The following MYBPC2 variants were observed in gnomAD, a reference collection of about 807,000 sequenced individuals.
The protein encoded by MYBPC2 is myosin-binding protein C, fast-type.
A neutral mutation model predicts 137.0 loss-of-function variants in MYBPC2; 122 were observed. The observed-to-expected ratio is 0.89, with a 90% confidence interval of 0.77 to 1.03. MYBPC2 has a LOEUF of 1.03. MYBPC2 is among the 50% of genes least tolerant of loss of function. MYBPC2 has a pLI of 0.00. For synonymous variants in MYBPC2, 626 were observed against 612.3 expected (o/e 1.02, Z -0.33); for missense variants, 1,500 against 1,534.4 (o/e 0.98, Z 0.37).
At position 50,435,876 on chromosome 19, in the gene MYBPC2, G is replaced by C. The variant is rs557779977; in HGVS notation, c.196+14G>C. 3.8e-6 allele frequency: 6 copies of C among 1,572,388 alleles called. No homozygotes were observed. The highest frequency in any genetic ancestry group is 4.3e-6 in the Non-Finnish European group (5 of 1,157,472). On this transcript the variant is annotated intron_variant, in intron 3 of 27. Coordinates refer to ENST00000357701, the MANE Select transcript of MYBPC2 (RefSeq NM_004533.4). The surrounding 1 kb of genome is among the most constrained non-coding windows in gnomAD (Gnocchi z 4.8). The stretch of plus-strand genomic sequence containing the variant: ...CAGTGGAGACTGGTGAGGGGAACCC[G>C]GGGGAGGAGGGGCTGCGGCCCGGAC...
chr19:50,456,867 A>T (rs2039919262), intron 20 of MYBPC2, among the ~76,000 whole-genome samples: 1 of 152,018 alleles, frequency 6.6e-6, no homozygotes, highest in Non-Finnish European at 1.5e-5. Context: ...TCCATCCATC[A>T]TCTGTACCTC....
chr19:50,448,175 G>A (rs1281548478), intron 12 of MYBPC2, 50 bp from the exon 13 acceptor site: 3 of 1,565,162 alleles, frequency 1.9e-6, no homozygotes, highest in East Asian at 2.3e-5. Flanking sequence ...ACAAGTGTCT[G>A]TGCACTGACT....
At position 50,442,260 on chromosome 19, in the gene MYBPC2, AGACCT is replaced by A. The variant is rs779627828; in HGVS notation, c.854_858del (p.Leu285ProfsTer19). 25 of 1,606,746 alleles carry A rather than the reference AGACCT, an allele frequency of 1.6e-5. No individual in the cohort carries two copies. In the Admixed American group the frequency reaches 3.1e-4, roughly 20 times the overall value. On this transcript the variant is annotated frameshift_variant, in exon 9 of 28. Coordinates refer to ENST00000357701, the MANE Select transcript of MYBPC2 (RefSeq NM_004533.4). LOFTEE classifies it high-confidence loss of function. ...AGTTGATGGTAGAGATCAGCGACCC[AGACCT>A]GACCCTCAAGTGGTTCAAGAACGGC...
At chr19:50,441,486 C>T (rs188815385) in intron 8 of MYBPC2, among the ~76,000 whole-genome samples, 407 of 152,326 alleles carry the variant, frequency 2.7e-3, no homozygotes, top group Non-Finnish European at 3.2e-3. Context: ...TGCTCTCTGT[C>T]TCTGGGGTAG....
In MYBPC2 at chr19:50,448,261, T is replaced by C. The variant is rs933681654; in HGVS notation, c.1343T>C (p.Leu448Pro). The change falls in exon 13 of 28, where the codon CTG becomes CCG. Residue 448 changes from leucine to proline, a missense_variant. Transcript: ENST00000357701. ...GAGGTCCTGCAGGACATCGCGGATC[T>C]GACGGTGAAGGCCTCAGAACAAGCT... ...QLEVLQDIAD[L>P]TVKASEQAVF... The C allele has an allele frequency of 6.2e-7, 1 of 1,613,820 alleles. No individual in the cohort carries two copies. Among genetic ancestry groups the C allele is most frequent in the Non-Finnish European group, 8.5e-7 (1 of 1,179,774 alleles).
chr19:50,464,612 C>A, intron 27 of MYBPC2, 80 bp downstream of exon 27: 1 of 1,436,304 alleles, frequency 7.0e-7, no homozygotes, highest in Non-Finnish European at 9.2e-7. Flanking sequence ...CCGGGCTGAG[C>A]ACCGCTGAGA....
intron 1 of MYBPC2, among the ~76,000 whole-genome samples, chr19:50,434,864 G>A (rs2039687276): frequency 6.6e-6 from 1 of 152,202 alleles, no homozygotes; most frequent in Non-Finnish European, 1.5e-5. Flanking sequence ...GGACCCAAAA[G>A]GTCAGGGCGT....
At chr19:50,462,111 C>A in intron 26 of MYBPC2, 75 bp downstream of exon 26, 1 of 1,474,008 alleles carries the variant, frequency 6.8e-7, no homozygotes, top group South Asian at 1.3e-5. Context: ...GCCCACTCCC[C>A]ATCACGCCAG....
intron 20 of MYBPC2, among the ~76,000 whole-genome samples, chr19:50,455,926 CTTCT>C (rs1185615237): frequency 3.3e-5 from 5 of 152,176 alleles, no homozygotes; most frequent in South Asian, 4.1e-4. Context: ...ACCTTTATGC[CTTCT>C]TTCTTTCTTC....
In MYBPC2 at chr19:50,435,987, C is replaced by G. The variant is rs1397255813; in HGVS notation, c.197-25C>G. 1.3e-6 allele frequency: 2 copies of G among 1,565,336 alleles called. No individual in the cohort carries two copies. Among genetic ancestry groups the G allele is most frequent in the East Asian group, 4.8e-5 (2 of 42,022 alleles). ...GTTCCTTCCTGGGCCTCCTCCCACT[C>G]TACCCTGTCACTCACCCCATGTAGG... On this transcript the variant is annotated intron_variant, in intron 3 of 27. Coordinates refer to ENST00000357701, the MANE Select transcript of MYBPC2 (RefSeq NM_004533.4). This position sits in a 1 kb window ranked among gnomAD's most constrained non-coding sequence, Gnocchi z 4.8.
intron 13 of MYBPC2, among the ~76,000 whole-genome samples, chr19:50,449,612 G>T (rs561374893): frequency 1.3e-5 from 2 of 152,324 alleles, no homozygotes; most frequent in African/African-American, 4.8e-5. Context: ...ATGGACACCG[G>T]CAGGGAAAAG....
chr19:50,462,058 T>C (rs759071014), intron 26 of MYBPC2, 22 bp downstream of exon 26: 5 of 1,563,994 alleles, frequency 3.2e-6, no homozygotes, highest in Non-Finnish European at 4.3e-6. Flanking sequence ...GGGACCCAGA[T>C]CTGCGTGTGT....
rs769457646 is a variant in MYBPC2 at position 50,443,643 on chromosome 19, C to A, written c.1027+25C>A. Reference sequence around the variant, plus strand: ...GGTGAGGCTGGAATTCAGAACTGAGCCTGGAGAGGGACTGGAACTCTGGAG... The same window carrying A: ...GGTGAGGCTGGAATTCAGAACTGAGACTGGAGAGGGACTGGAACTCTGGAG... On this transcript the variant is annotated intron_variant, in intron 10 of 27. Transcript: ENST00000357701. 11 of 1,612,352 alleles carry A rather than the reference C, an allele frequency of 6.8e-6. No individual in the cohort carries two copies. The South Asian group carries it at 1.1e-4, about 16-fold the overall frequency.
chr19:50,451,337 G>C (rs781055619), intron 15 of MYBPC2, 28 bp downstream of exon 15: 2 of 1,612,372 alleles, frequency 1.2e-6, no homozygotes, highest in Non-Finnish European at 1.7e-6. Flanking sequence ...CGCTGGGAGC[G>C]GGTCTGAGGG....
At position 50,454,177 on chromosome 19, in the gene MYBPC2, T is replaced by C. The variant is rs374274083; in HGVS notation, c.1907T>C (p.Val636Ala). ...GTGGCTTCCATCTTCCTGCAAGTTGTAGGTGAGCAGAGAAAGCCGAGGTGG... is the reference window on the plus strand; with the variant it reads ...GTGGCTTCCATCTTCCTGCAAGTTGCAGGTGAGCAGAGAAAGCCGAGGTGG... ...EDVASIFLQVVDVPDPPEAVR... is the reference protein window; with the variant it reads ...EDVASIFLQVADVPDPPEAVR... The change falls in exon 17 of 28, where the codon GTA (valine) becomes GCA (alanine). Residue 636 changes from valine (V) to alanine (A), a missense_variant and splice_region_variant. Physicochemically the swap from Val to Ala is moderately conservative, Grantham distance 64 (BLOSUM62 0). Transcript: ENST00000357701. 5 of 1,613,794 alleles carry C rather than the reference T, an allele frequency of 3.1e-6. No individual in the cohort carries two copies. Among genetic ancestry groups the C allele is most frequent in the African/African-American group, 1.3e-5 (1 of 74,942 alleles).
In MYBPC2 at chr19:50,454,113, C is replaced by T. The variant is rs766056042; in HGVS notation, c.1843C>T (p.Arg615Cys). The stretch of plus-strand genomic sequence containing the variant: ...GAGTGCGCAGCGGGAAGACGAGGGC[C>T]GCTACACCATCAAGGTCACCAACCC... ...IESAQREDEG[R>C]YTIKVTNPVG... is the part of the protein sequence containing the mutation. The change falls in exon 17 of 28, where the codon CGC (arginine) becomes TGC (cysteine). Residue 615 changes from arginine (R) to cysteine (C), a missense_variant. Coordinates refer to ENST00000357701, the MANE Select transcript of MYBPC2 (RefSeq NM_004533.4). 18 of 1,612,740 alleles carry T rather than the reference C, an allele frequency of 1.1e-5. No individual in the cohort carries two copies. Among genetic ancestry groups the T allele is most frequent in the Admixed American group, 6.7e-5 (4 of 59,818 alleles).
chr19:50,458,532 G>A (rs1169629632), intron 20 of MYBPC2, 55 bp from the exon 21 acceptor site: 1 of 1,587,128 alleles, frequency 6.3e-7, no homozygotes, highest in East Asian at 2.3e-5. Context: ...GGGAGAAACG[G>A]GAGCGGAGGA....
In MYBPC2 at chr19:50,435,172, GC is replaced by G; in HGVS notation, c.36del (p.Gly14AlafsTer42). 4.5e-6 allele frequency: 6 copies of G among 1,333,454 alleles called. No individual in the cohort carries two copies. The highest frequency in any genetic ancestry group is 6.5e-6 in the Non-Finnish European group (6 of 929,370). 82.6% of individuals were successfully genotyped at this position (1,333,454 alleles called of 1,614,324 possible). A position where few individuals can be genotyped will look rare whatever the true frequency, so the allele number is the denominator to read the frequency against. On this transcript the variant is annotated frameshift_variant, in exon 2 of 28. Coordinates refer to ENST00000357701, the MANE Select transcript of MYBPC2 (RefSeq NM_004533.4). LOFTEE classifies it high-confidence loss of function. The surrounding 1 kb of genome is among the most constrained non-coding windows in gnomAD (Gnocchi z 4.8). MPEAKPAAKKAPKGKDAPKGA... is the reference protein window; with the variant it reads MPEAKPAAKKXPKGKDAPKGA... ...CCCCTACCTTACAGCGGCCAAAAAG[GC>G]CCCCAAAGGCAAAGATGCCCCCAAA...
rs186301599 is a variant in MYBPC2 at position 50,440,863 on chromosome 19, G to A, written c.573-17G>A. 472 of 1,606,392 alleles carry A rather than the reference G, an allele frequency of 2.9e-4. 5 individuals carry two copies. In the East Asian group the frequency reaches 9.0e-3, roughly 30 times the overall value. ...CCTCACTCCCTGATGGCCCCTGTCC[G>A]TTCCCCCACCCGCCAGGGAGGTGGT... On this transcript the variant is annotated splice_polypyrimidine_tract_variant and intron_variant, in intron 7 of 27. Coordinates refer to ENST00000357701, the MANE Select transcript of MYBPC2 (RefSeq NM_004533.4).
Sources: gnomAD v4.1 joint callset for allele counts (sites outside exome capture counted in the v4.1 genomes callset) on GRCh38, gnomAD v4.1.1 for gene constraint, Gnocchi (gnomAD v3.1) non-coding constraint, MANE v1.5 for transcripts, NCBI Gene and HGNC (gene_info 2026-07-23, HGNC 2026-07-21) for gene names.